The following SDF4 variants were observed in gnomAD, a reference collection of about 807,000 sequenced individuals.
The protein encoded by SDF4 is 45 kDa calcium-binding protein.
In SDF4, 22 loss-of-function variants were observed where a neutral mutation model predicts 34.2. The ratio of observed to expected loss-of-function variants is 0.64; its 90% CI spans 0.46 to 0.92. The LOEUF (loss-of-function observed/expected upper bound fraction) is 0.92. SDF4 is among the 40% of genes least tolerant of loss of function. The pLI is 0.00. For missense variants in SDF4, 447 were observed against 499.9 expected, an observed-to-expected ratio of 0.89 and a Z score of 1.01; for synonymous variants, 236 against 203.1, an observed-to-expected ratio of 1.16 and a Z score of -1.38.
rs1042075933 is a variant in SDF4 at position 1,219,168 on chromosome 1, C to T, written c.557-241G>A. 56 of 1,381,440 alleles carry T rather than the reference C, an allele frequency of 4.1e-5. No homozygotes were observed. In the Admixed American group the frequency reaches 9.8e-4, roughly 24 times the overall value. 85.6% of individuals were successfully genotyped at this position (1,381,440 alleles called of 1,614,324 possible). A position where few individuals can be genotyped will look rare whatever the true frequency, so the allele number is the denominator to read the frequency against. On this transcript the variant is annotated intron_variant, in intron 4 of 6. Transcript: ENST00000360001. ...GATCCCCAAAGGCATAGCTTGGACC[C>T]CTCCACACAGCCCGGACTCCCCAAG...
intron 1 of SDF4, among the ~76,000 whole-genome samples, chr1:1,229,723 G>T (rs565144381): frequency 6.6e-6 from 1 of 152,182 alleles, no homozygotes; most frequent in Admixed American, 6.5e-5. Flanking sequence ...ACATTCTTGA[G>T]ATCTATGACC....
intron 1 of SDF4, among the ~76,000 whole-genome samples, chr1:1,229,171 TC>T (rs1052016983): frequency 6.6e-6 from 1 of 152,012 alleles, no homozygotes; most frequent in African/African-American, 2.4e-5. Flanking sequence ...GCATTTGTTT[TC>T]TCCGGACCAC....
chr1:1,219,147 C>G, intron 4 of SDF4: 2 of 1,449,206 alleles, frequency 1.4e-6, no homozygotes, highest in South Asian at 1.3e-5. Flanking sequence ...AGGCCTGATC[C>G]CCAAAGGCAT....
chr1:1,228,962 G>A lies in SDF4; in HGVS notation c.-174-16C>T, dbSNP rs1037904807. Reference sequence around the variant, plus strand: ...AGCTCACAGTCTGCAGAGAGACACAGACACATCATTAGCAAGACTCAGCAA... The same window carrying A: ...AGCTCACAGTCTGCAGAGAGACACAAACACATCATTAGCAAGACTCAGCAA... On this transcript the variant is annotated splice_polypyrimidine_tract_variant and intron_variant, in intron 1 of 6. Transcript: ENST00000360001. The A allele has an allele frequency of 1.7e-6, 1 of 597,834 alleles. No homozygotes were observed. The highest frequency in any genetic ancestry group is 3.0e-6 in the Non-Finnish European group (1 of 336,514). The allele number at this position is 597,834 out of a possible 1,614,324, so 37.0% of individuals were successfully genotyped here.
rs1002791952 is a variant in SDF4 at position 1,218,009 on chromosome 1, T to C, written c.892-321A>G. On this transcript the variant is annotated intron_variant, in intron 6 of 6. Coordinates refer to ENST00000360001, the MANE Select transcript of SDF4 (RefSeq NM_016176.6). The surrounding 1 kb of genome is among the most constrained non-coding windows in gnomAD (Gnocchi z 7.9). ...CACAGGATTCTACATAAAAACAAGA[T>C]GACTCACTCAGCAGTGGGAGAAAAA... is the stretch of plus-strand genomic sequence containing the variant. Among the ~76,000 whole-genome samples the C allele has an allele frequency of 6.6e-6, 1 of 152,122 alleles. No homozygotes were observed. The highest frequency in any genetic ancestry group is 1.5e-5 in the Non-Finnish European group (1 of 68,002).
rs368032983 is a variant in SDF4, at chr1:1,217,696, C to A, written c.892-8G>T. On this transcript the variant is annotated splice_polypyrimidine_tract_variant and splice_region_variant and intron_variant, in intron 6 of 6. Transcript: ENST00000360001. This position sits in a 1 kb window ranked among gnomAD's most constrained non-coding sequence, Gnocchi z 8.5. ...CATGGGGTCCATGTAGCTCTGCGGG[C>A]GAGCGGGGCACAGGTCAGCGTCGCC... The A allele has an allele frequency of 5.6e-6, 9 of 1,613,528 alleles. No individual in the cohort carries two copies. The highest frequency in any genetic ancestry group is 2.2e-5 in the East Asian group (1 of 44,828).
chr1:1,222,799 C>T (rs559797240), intron 4 of SDF4, among the ~76,000 whole-genome samples: 1 of 152,398 alleles, frequency 6.6e-6, no homozygotes, highest in East Asian at 1.9e-4. Context: ...ACCCACTTCC[C>T]TCCTGACAGC....
chr1:1,218,405 C>A lies in SDF4; in HGVS notation c.891+53G>T, dbSNP rs562471368. The A allele has an allele frequency of 1.9e-6, 3 of 1,571,890 alleles. No homozygotes were observed. The highest frequency in any genetic ancestry group is 3.4e-4 in the Middle Eastern group (2 of 5,934). The stretch of plus-strand genomic sequence containing the variant: ...CAGGCCCAGATCCACCAGCCCCTCC[C>A]GCCACAGCACCTCGCAGGGCCGGCT... On this transcript the variant is annotated intron_variant, in intron 6 of 6. Transcript: ENST00000360001. The surrounding 1 kb of genome is among the most constrained non-coding windows in gnomAD (Gnocchi z 7.9).
At chr1:1,226,746 G>T (rs573882255) in intron 2 of SDF4, among the ~76,000 whole-genome samples, 1 of 152,202 alleles carries the variant, frequency 6.6e-6, no homozygotes, top group South Asian at 2.1e-4. Flanking sequence ...GACAGCTTGG[G>T]GTTTCGTTAC....
intron 4 of SDF4, chr1:1,219,271 C>G (rs1049531650): frequency 5.0e-6 from 6 of 1,188,720 alleles, no homozygotes. Context: ...CCCAGACCCC[C>G]AGGACATGGC....
intron 4 of SDF4, chr1:1,219,477 G>A (rs998327518): frequency 1.0e-5 from 10 of 999,644 alleles, no homozygotes; most frequent in Admixed American, 5.3e-5. Flanking sequence ...GCACGGCGCC[G>A]CGGGGCGAAG....
At chr1:1,219,385 C>A in intron 4 of SDF4, 1 of 1,047,934 alleles carries the variant, frequency 9.5e-7, no homozygotes, top group East Asian at 9.8e-5. Flanking sequence ...GCCTGGGACC[C>A]CTCAGGATGG....
In SDF4 at chr1:1,218,039, C is replaced by G. The variant is rs992422901; in HGVS notation, c.892-351G>C. 6.6e-6 allele frequency among the ~76,000 whole-genome samples: 1 copy of G among 152,218 alleles called. No individual in the cohort carries two copies. The highest frequency in any genetic ancestry group is 2.4e-5 in the African/African-American group (1 of 41,464). ...CACTCAGCAGTGGGAGAAAAACAAG[C>G]CTACACATGATACCAGTGAAAACGC... On this transcript the variant is annotated intron_variant, in intron 6 of 6. Coordinates refer to ENST00000360001, the MANE Select transcript of SDF4 (RefSeq NM_016176.6). The surrounding 1 kb of genome is among the most constrained non-coding windows in gnomAD (Gnocchi z 7.9).
At chr1:1,227,291 C>T (rs1013095828) in intron 2 of SDF4, 5 of 153,494 alleles carry the variant, frequency 3.3e-5, no homozygotes, top group South Asian at 1.9e-4. Context: ...GCACCAGGCC[C>T]GGCGGGAAGG....
chr1:1,217,451 G>C lies in SDF4; in HGVS notation c.*61C>G. The C allele has an allele frequency of 7.4e-7, 1 of 1,347,448 alleles. No individual in the cohort carries two copies. 83.5% of individuals were successfully genotyped at this position (1,347,448 alleles called of 1,614,324 possible). A position where few individuals can be genotyped will look rare whatever the true frequency, so the allele number is the denominator to read the frequency against. On this transcript the variant is annotated 3_prime_UTR_variant, in exon 7 of 7. Transcript: ENST00000360001. The surrounding 1 kb of genome is among the most constrained non-coding windows in gnomAD (Gnocchi z 8.5). ...GGGTCCGGGACAGCCACGGAGCCCG[G>C]AGTCACCCGCGAGGCCGCCCCGGTG...
At chr1:1,229,148 TGGACCACACGTGGCATTTGTTTTCTCC>T (rs1375716143) in intron 1 of SDF4, among the ~76,000 whole-genome samples, 20 of 151,868 alleles carry the variant, frequency 1.3e-4, no homozygotes, top group African/African-American at 3.6e-4. Context: ...TTGTTTTCTC[TGGACCACACGTGGCATTTGTTTTCTCC>T]GGACCACACG....
intron 2 of SDF4, among the ~76,000 whole-genome samples, chr1:1,224,883 A>C (rs987152194): frequency 6.6e-6 from 1 of 152,274 alleles, no homozygotes; most frequent in Non-Finnish European, 1.5e-5. Flanking sequence ...ACTGCACTCC[A>C]GCCTGGGCGG....
intron 4 of SDF4, chr1:1,220,093 G>C: frequency 1.0e-6 from 1 of 986,150 alleles, no homozygotes; most frequent in Non-Finnish European, 1.2e-6. Flanking sequence ...CAGGCCGGCC[G>C]AGAGACGCTT....
chr1:1,217,875 G>T lies in SDF4; in HGVS notation c.892-187C>A. Reference sequence around the variant, plus strand: ...AGGGAGAAGCCGGGGGCCCCGGAAGGCCTGCCCGGGGCCAGCAGGGGTAAC... The same window carrying T: ...AGGGAGAAGCCGGGGGCCCCGGAAGTCCTGCCCGGGGCCAGCAGGGGTAAC... On this transcript the variant is annotated intron_variant, in intron 6 of 6. Transcript: ENST00000360001. The surrounding 1 kb of genome is among the most constrained non-coding windows in gnomAD (Gnocchi z 8.5). 6.9e-7 allele frequency: 1 copy of T among 1,454,392 alleles called. No homozygotes were observed. Among genetic ancestry groups the T allele is most frequent in the Non-Finnish European group, 9.0e-7 (1 of 1,105,292 alleles). 90.1% of individuals were successfully genotyped at this position (1,454,392 alleles called of 1,614,324 possible).
Sources: allele counts gnomAD v4.1 joint callset (sites outside exome capture counted in the v4.1 genomes callset), GRCh38; gene constraint gnomAD v4.1.1; non-coding constraint Gnocchi (gnomAD v3.1); transcripts MANE v1.5; gene names NCBI Gene and HGNC (gene_info 2026-07-23, HGNC 2026-07-21).